Variants in GLB1L3 observed in about 807,000 individuals in gnomAD.
GLB1L3 encodes the protein galactosidase beta 1 like 3, also known as beta-galactosidase-1-like protein 3.
A neutral mutation model predicts 89.5 loss-of-function variants in GLB1L3; 89 were observed. The ratio of observed to expected loss-of-function variants is 0.99; its 90% CI spans 0.84 to 1.19. The LOEUF (loss-of-function observed/expected upper bound fraction) is 1.19. GLB1L3 is among the 50% of genes most tolerant of loss of function. The pLI is 0.00. For synonymous variants in GLB1L3, 314 were observed against 312.3 expected, an observed-to-expected ratio of 1.01 and a Z score of -0.06; for missense variants, 812 against 813.3, an observed-to-expected ratio of 1.00 and a Z score of 0.02.
chr11:134,311,197 G>A lies in GLB1L3; in HGVS notation c.1287+27G>A, dbSNP rs201335732. On this transcript the variant is annotated intron_variant, in intron 13 of 19. Transcript: ENST00000431683. ...TGCGTGCTGCCTGGCCACAGGAGGC[G>A]GAGTGGCCATTGGAGGGATGGGGGA... 2.3e-4 allele frequency: 353 copies of A among 1,546,064 alleles called. 2 individuals carry two copies. The Middle Eastern group carries it at 7.3e-3, about 32-fold the overall frequency.
At chr11:134,284,515 G>C (rs1165021193) in intron 6 of GLB1L3, among the ~76,000 whole-genome samples, 2 of 151,998 alleles carry the variant, frequency 1.3e-5, no homozygotes, top group Admixed American at 6.5e-5. Flanking sequence ...GTCACCTGAG[G>C]TCAGGAGTTC....
intron 11 of GLB1L3, 35 bp from the exon 12 acceptor site, chr11:134,310,536 C>T (rs1242158150): frequency 9.0e-6 from 14 of 1,553,338 alleles, no homozygotes; most frequent in Admixed American, 1.7e-5. Context: ...CCTGCAGAGA[C>T]TGCATGGCTG....
rs377220755 is a variant in GLB1L3 at position 134,312,444 on chromosome 11, C to G, written c.1383C>G (p.Ile461Met). ...GGCTTGTCCTGTATGAGAAGTCCATCTGCTCCGGAGGCCGCCTCCGTGCCC... is the reference window on the plus strand; with the variant it reads ...GGCTTGTCCTGTATGAGAAGTCCATGTGCTCCGGAGGCCGCCTCCGTGCCC... ...SYGLVLYEKS[I>M]CSGGRLRAHA... The change falls in exon 14 of 20, where the codon ATC becomes ATG. Residue 461 changes from isoleucine (I) to methionine (M), a missense_variant. Ile to Met is a conservative substitution (Grantham distance 10). Around this residue, in one of 3 missense-constraint regions of GLB1L3, gnomAD observed 618 missense variants for 604.0 expected, o/e 1.02. Transcript: ENST00000431683. 3 of 1,613,584 alleles carry G rather than the reference C, an allele frequency of 1.9e-6. No homozygotes were observed. Among genetic ancestry groups the G allele is most frequent in the Non-Finnish European group, 2.5e-6 (3 of 1,179,890 alleles).
chr11:134,300,206 T>C (rs555099285), intron 9 of GLB1L3, among the ~76,000 whole-genome samples: 4 of 152,072 alleles, frequency 2.6e-5, no homozygotes, highest in Non-Finnish European at 4.4e-5. Context: ...CCCTGGCTTA[T>C]TGGACGGCTG....
At chr11:134,321,918 T>TA (rs34751396), downstream of GLB1L3, among the ~76,000 whole-genome samples, 51,076 of 147,880 alleles carry the variant, frequency 0.35, 10,409 homozygotes, top group Non-Finnish European at 0.44. Flanking sequence ...TAAAGTATAA[T>TA]AAAAAAAAAA....
chr11:134,319,724 A>ATGTGTG (rs71464005), downstream of GLB1L3, among the ~76,000 whole-genome samples: 168 of 128,266 alleles, frequency 1.3e-3, no homozygotes, highest in African/African-American at 4.1e-3. Context: ...CTCTCTGTGT[A>ATGTGTG]TGTGTGTGTG....
intron 4 of GLB1L3, among the ~76,000 whole-genome samples, chr11:134,281,822 C>A (rs1214507221): frequency 6.9e-6 from 1 of 145,554 alleles, no homozygotes; most frequent in East Asian, 2.0e-4. Context: ...CCTCCTCAGG[C>A]CCCCGATGGG....
Position 134,293,710 on chromosome 11 carries a change from A to G in GLB1L3, c.876+501A>G, listed in dbSNP as rs533756477. On this transcript the variant is annotated intron_variant, in intron 9 of 19. Transcript: ENST00000431683. Reference sequence around the variant, plus strand: ...ACAAGCCACAGCCCAGCCTCCAGGGAGTACATCTGTCCTTTCTCTGCAGCC... The same window carrying G: ...ACAAGCCACAGCCCAGCCTCCAGGGGGTACATCTGTCCTTTCTCTGCAGCC... 1.1e-4 allele frequency among the ~76,000 whole-genome samples: 13 copies of G among 113,614 alleles called. No homozygotes were observed. In the East Asian group the frequency reaches 2.0e-3, roughly 18 times the overall value. The allele number at this position is 113,614 out of a possible 152,430, so 74.5% of individuals were successfully genotyped here. A position where few individuals can be genotyped will look rare whatever the true frequency, so the allele number is the denominator to read the frequency against.
intron 8 of GLB1L3, chr11:134,292,584 G>T: frequency 4.6e-6 from 1 of 218,072 alleles, no homozygotes; most frequent in Non-Finnish European, 9.2e-6. Context: ...ACCAGAAGAT[G>T]GGTGTTGTGT....
intron 7 of GLB1L3, 119 bp downstream of exon 7, chr11:134,289,009 G>A: frequency 4.4e-6 from 3 of 682,792 alleles, no homozygotes; most frequent in South Asian, 2.2e-5. Context: ...ATGTTGGCCT[G>A]TGAACACGAG....
chr11:134,312,570 T>G, intron 14 of GLB1L3, 81 bp downstream of exon 14: 1 of 1,516,486 alleles, frequency 6.6e-7, no homozygotes, highest in Non-Finnish European at 8.9e-7. Context: ...GACTGAAGGA[T>G]GCACGTTGCT....
Position 134,276,466 on chromosome 11 carries a change from G to A in GLB1L3, c.-275G>A. ...GGGCCCTCCCGCTTCCCCTCCGAGG[G>A]CAGAGAGGCGTCCGCGCCCGGACGC... On this transcript the variant is annotated 5_prime_UTR_variant, in exon 1 of 20. Transcript: ENST00000431683. 1 of 355,940 alleles carries A rather than the reference G, an allele frequency of 2.8e-6. No individual in the cohort carries two copies. The highest frequency in any genetic ancestry group is 5.0e-6 in the Non-Finnish European group (1 of 199,092). The allele number at this position is 355,940 out of a possible 1,614,324, so 22.0% of individuals were successfully genotyped here.
At chr11:134,306,941 C>T (rs1352869538) in intron 9 of GLB1L3, among the ~76,000 whole-genome samples, 183 bp from the exon 10 acceptor site, 2 of 152,218 alleles carry the variant, frequency 1.3e-5, no homozygotes, top group Non-Finnish European at 1.5e-5. Flanking sequence ...GTGGAGGAAC[C>T]AGAGCTGTGA....
Position 134,276,596 on chromosome 11 carries a change from A to T in GLB1L3, c.-145A>T. Reference sequence around the variant, plus strand: ...ACCCGGCGCCCGCGCCTCGGGACGGATTTCTGCCTCGGCTGCAGGCGCAGC... The same window carrying T: ...ACCCGGCGCCCGCGCCTCGGGACGGTTTTCTGCCTCGGCTGCAGGCGCAGC... On this transcript the variant is annotated 5_prime_UTR_variant, in exon 1 of 20. Coordinates refer to ENST00000431683, the MANE Select transcript of GLB1L3 (RefSeq NM_001080407.3). The T allele has an allele frequency of 8.2e-6, 6 of 734,218 alleles. No homozygotes were observed. Among genetic ancestry groups the T allele is most frequent in the Non-Finnish European group, 1.1e-5 (6 of 534,588 alleles). 45.5% of individuals were successfully genotyped at this position (734,218 alleles called of 1,614,324 possible).
chr11:134,276,802 C>A, intron 1 of GLB1L3, 39 bp downstream of exon 1: 2 of 1,375,808 alleles, frequency 1.5e-6, no homozygotes, highest in Non-Finnish European at 1.9e-6. Context: ...TGCCCACCAC[C>A]CCGGCGCGTG....
rs573583087 is a variant in GLB1L3 at position 134,293,692 on chromosome 11, A to G, written c.876+483A>G. On this transcript the variant is annotated intron_variant, in intron 9 of 19. Coordinates refer to ENST00000431683, the MANE Select transcript of GLB1L3 (RefSeq NM_001080407.3). The stretch of plus-strand genomic sequence containing the variant: ...GTGACATTACAGAGAAGGACAAGCC[A>G]CAGCCCAGCCTCCAGGGAGTACATC... Among the ~76,000 whole-genome samples the G allele has an allele frequency of 5.3e-5, 8 of 151,976 alleles. 1 individual carries two copies. The East Asian group carries it at 1.5e-3, about 29-fold the overall frequency.
At chr11:134,289,937 C>T (rs1289098196) in intron 7 of GLB1L3, among the ~76,000 whole-genome samples, 1 of 152,238 alleles carries the variant, frequency 6.6e-6, no homozygotes, top group African/African-American at 2.4e-5. Context: ...GCCGTCCTGA[C>T]TCCGCCCTTG....
chr11:134,287,905 G>T (rs1012803663), intron 6 of GLB1L3, among the ~76,000 whole-genome samples: 3 of 152,166 alleles, frequency 2.0e-5, no homozygotes, highest in Non-Finnish European at 4.4e-5. Context: ...GCATTCTTTT[G>T]TCCAAGAGGG....
intron 9 of GLB1L3, among the ~76,000 whole-genome samples, chr11:134,302,039 A>C (rs1454836591): frequency 6.6e-6 from 1 of 152,178 alleles, no homozygotes; most frequent in Non-Finnish European, 1.5e-5. Flanking sequence ...GTTGAAGCTT[A>C]AAGTGGCTTC....
Sources: allele counts gnomAD v4.1 joint callset (sites outside exome capture counted in the v4.1 genomes callset), GRCh38; gene constraint gnomAD v4.1.1; regional missense constraint gnomAD v4.1.1; transcripts MANE v1.5; gene names NCBI Gene and HGNC (gene_info 2026-07-23, HGNC 2026-07-21).